Variants in MALSU1 observed in about 807,000 individuals in gnomAD.
The protein encoded by MALSU1 is mitochondrial assembly of ribosomal large subunit 1.
A neutral mutation model predicts 22.1 loss-of-function variants in MALSU1; 22 were observed. That is an observed-to-expected ratio of 1.00 (90% CI 0.71 to 1.42). The LOEUF is 1.42. Among genes scored for constraint, MALSU1 ranks in the 40% most tolerant of loss-of-function variants. MALSU1 has a pLI of 0.00. For missense variants in MALSU1, 379 were observed against 308.3 expected (o/e 1.23, Z -1.72); for synonymous variants, 153 against 118.5 (o/e 1.29, Z -1.89).
At chr7:23,301,333 T>G (rs1013415573) in intron 2 of MALSU1, 1 of 189,494 alleles carries the variant, frequency 5.3e-6, no homozygotes, top group South Asian at 1.3e-4. Context: ...CGATCTCTGC[T>G]CACCGCAACC....
rs995611985 is a variant in MALSU1 at position 23,303,970 on chromosome 7, G to T, written c.435+2953G>T. 7.2e-5 allele frequency among the ~76,000 whole-genome samples: 11 copies of T among 152,162 alleles called. No homozygotes were observed. In the South Asian group the frequency reaches 2.1e-3, roughly 29 times the overall value. ...AAAATACAATAATTAGCTGGGTGTG[G>T]TGGAGGGTTCCTGTAATCCCAGCTA... On this transcript the variant is annotated intron_variant, in intron 2 of 3. Transcript: ENST00000466681.
chr7:23,304,009 G>A (rs909471903), intron 2 of MALSU1, among the ~76,000 whole-genome samples: 1 of 151,892 alleles, frequency 6.6e-6, no homozygotes, highest in Non-Finnish European at 1.5e-5. Flanking sequence ...GGGAGGCTGA[G>A]GCACGAGAAT....
At chr7:23,306,513 G>T (rs1047602775) in intron 2 of MALSU1, among the ~76,000 whole-genome samples, 1 of 151,508 alleles carries the variant, frequency 6.6e-6, no homozygotes, top group Non-Finnish European at 1.5e-5. Context: ...GCATAGTCTT[G>T]TTCCTGATCT....
intron 2 of MALSU1, 135 bp downstream of exon 2, chr7:23,301,152 A>G (rs986984230): frequency 1.1e-5 from 8 of 727,812 alleles, no homozygotes; most frequent in South Asian, 8.7e-5. Flanking sequence ...CAGAATTTGC[A>G]TGAATTCATT....
chr7:23,303,800 C>T (rs944232961), intron 2 of MALSU1, among the ~76,000 whole-genome samples: 17 of 126,754 alleles, frequency 1.3e-4, no homozygotes, highest in Non-Finnish European at 2.1e-4. Context: ...CAGAGCAAGA[C>T]GCTGTCTCAA....
At chr7:23,299,970 G>C (rs1354218245) in intron 1 of MALSU1, among the ~76,000 whole-genome samples, 1 of 152,130 alleles carries the variant, frequency 6.6e-6, no homozygotes, top group Non-Finnish European at 1.5e-5. Context: ...TGGGTGCGAA[G>C]GGGTGCGTAG....
intron 2 of MALSU1, 90 bp downstream of exon 2, chr7:23,301,107 C>A: frequency 4.1e-6 from 5 of 1,225,442 alleles, no homozygotes; most frequent in Non-Finnish European, 5.7e-6. Flanking sequence ...GAGGGTAAAC[C>A]CATCATACAA....
intron 3 of MALSU1, among the ~76,000 whole-genome samples, chr7:23,309,065 AC>A (rs1383767825): frequency 2.0e-5 from 3 of 152,202 alleles, no homozygotes; most frequent in Non-Finnish European, 4.4e-5. Flanking sequence ...GAAGTGTGTT[AC>A]CCATGGAGAA....
chr7:23,304,780 GTTTGTTGT>G (rs1783703010), intron 2 of MALSU1, among the ~76,000 whole-genome samples: 1 of 152,158 alleles, frequency 6.6e-6, no homozygotes, highest in Non-Finnish European at 1.5e-5. Context: ...AAATCAGGTT[GTTTGTTGT>G]TTTGTTGTTG....
chr7:23,310,377 T>G lies in MALSU1; in HGVS notation c.*834T>G, dbSNP rs1783795046. ...ATACTCCAAATTACAAATGCTTAAG[T>G]AAAAGTAAAATATGATTTGCCATAC... On this transcript the variant is annotated 3_prime_UTR_variant, in exon 4 of 4. Coordinates refer to ENST00000466681, the MANE Select transcript of MALSU1 (RefSeq NM_138446.2). The G allele has an allele frequency of 6.6e-6, 1 of 150,868 alleles. No individual in the cohort carries two copies. Among genetic ancestry groups the G allele is most frequent in the Admixed American group, 6.6e-5 (1 of 15,142 alleles). The allele number at this position is 150,868 out of a possible 1,614,324, so 9.3% of individuals were successfully genotyped here.
intron 3 of MALSU1, among the ~76,000 whole-genome samples, chr7:23,308,411 A>G (rs1371613513): frequency 2.6e-5 from 4 of 152,250 alleles, no homozygotes; most frequent in Admixed American, 2.0e-4. Context: ...TAATGTGTAC[A>G]TAGTTTCAAA....
intron 2 of MALSU1, among the ~76,000 whole-genome samples, chr7:23,302,319 C>CA (rs1269790215): frequency 6.6e-6 from 1 of 152,136 alleles, no homozygotes; most frequent in African/African-American, 2.4e-5. Flanking sequence ...ACTCTGGTAC[C>CA]ATTCCACGGG....
chr7:23,304,270 C>T (rs1337823127), intron 2 of MALSU1, among the ~76,000 whole-genome samples: 3 of 152,128 alleles, frequency 2.0e-5, no homozygotes, highest in Admixed American at 6.6e-5. Flanking sequence ...CTCCTGTATT[C>T]TTTCATAGTG....
At position 23,299,554 on chromosome 7, in the gene MALSU1, G is replaced by A. The variant is rs1318168118; in HGVS notation, c.202G>A (p.Glu68Lys). The stretch of plus-strand genomic sequence containing the variant: ...CGGCCTGCACAGCGAGCCTGGGCTG[G>A]AGGAGCGGGCGGAGGGGACGGTCAA... ...VRGLHSEPGLEERAEGTVNEG... is the reference protein window; with the variant it reads ...VRGLHSEPGLKERAEGTVNEG... Residue 68 changes from glutamate (E) to lysine (K), a missense_variant, in exon 1 of 4, where the codon GAG becomes AAG. Transcript: ENST00000466681. 1 of 1,610,856 alleles carries A rather than the reference G, an allele frequency of 6.2e-7. No homozygotes were observed. The highest frequency in any genetic ancestry group is 8.5e-7 in the Non-Finnish European group (1 of 1,178,810).
intron 2 of MALSU1, among the ~76,000 whole-genome samples, chr7:23,301,519 A>G (rs1783648396): frequency 6.6e-6 from 1 of 152,182 alleles, no homozygotes; most frequent in Admixed American, 6.5e-5. Context: ...TCAGCCTCCT[A>G]AAGTGCTAGG....
intron 2 of MALSU1, among the ~76,000 whole-genome samples, chr7:23,302,765 G>A (rs543074424): frequency 1.1e-4 from 17 of 152,250 alleles, no homozygotes; most frequent in Non-Finnish European, 2.1e-4. Flanking sequence ...TATATATAAC[G>A]TAAAACCTAC....
Position 23,310,049 on chromosome 7 carries a change from AC to A in MALSU1, c.*507del, listed in dbSNP as rs910273410. 1 of 152,212 alleles carries A rather than the reference AC, an allele frequency of 6.6e-6. No individual in the cohort carries two copies. Among genetic ancestry groups the A allele is most frequent in the African/African-American group, 2.4e-5 (1 of 41,448 alleles). The allele number at this position is 152,212 out of a possible 1,614,324, so 9.4% of individuals were successfully genotyped here. A position where few individuals can be genotyped will look rare whatever the true frequency, so the allele number is the denominator to read the frequency against. On this transcript the variant is annotated 3_prime_UTR_variant, in exon 4 of 4. Transcript: ENST00000466681. ...AAGTGTTTGTTAGGAAAAACTCTGA[AC>A]GCTCTAGTTCTTAGTTCATATGCAA...
intron 3 of MALSU1, among the ~76,000 whole-genome samples, chr7:23,309,055 G>T (rs892917556): frequency 2.6e-5 from 4 of 152,228 alleles, no homozygotes; most frequent in Non-Finnish European, 5.9e-5. Context: ...AAGATGTGCA[G>T]AAGTGTGTTA....
chr7:23,306,144 C>T (rs914998718), intron 2 of MALSU1, among the ~76,000 whole-genome samples: 4 of 152,018 alleles, frequency 2.6e-5, no homozygotes, highest in African/African-American at 9.6e-5. Flanking sequence ...CTGTGAGCCG[C>T]GATTGCGCCA....
Sources: gnomAD v4.1 joint callset for allele counts (sites outside exome capture counted in the v4.1 genomes callset) on GRCh38, gnomAD v4.1.1 for gene constraint, MANE v1.5 for transcripts, NCBI Gene and HGNC (gene_info 2026-07-23, HGNC 2026-07-21) for gene names.